AOAH: variants seen among roughly 807,000 people sequenced by gnomAD.
AOAH encodes acyloxyacyl hydrolase (neutrophil).
AOAH carries 64 observed loss-of-function variants against 92.2 expected under a neutral mutation model. The ratio of observed to expected loss-of-function variants is 0.69; its 90% CI spans 0.57 to 0.86. AOAH has a LOEUF of 0.86. Ranked by LOEUF, AOAH falls within the 40% of genes least tolerant of loss-of-function variation. The pLI is 0.00. For missense variants in AOAH, 656 were observed against 694.6 expected, an observed-to-expected ratio of 0.94 and a Z score of 0.62; for synonymous variants, 263 against 254.5, an observed-to-expected ratio of 1.03 and a Z score of -0.32.
intron 11 of AOAH, among the ~76,000 whole-genome samples, chr7:36,605,836 C>T (rs939233144): frequency 2.6e-5 from 4 of 152,146 alleles, no homozygotes; most frequent in Non-Finnish European, 2.9e-5. Context: ...GGAAAGGAAA[C>T]GGAAGAACAT....
chr7:36,573,027 G>C (rs1788241773), intron 13 of AOAH, among the ~76,000 whole-genome samples: 1 of 152,224 alleles, frequency 6.6e-6, no homozygotes, highest in Non-Finnish European at 1.5e-5. Context: ...TACAGATGCA[G>C]AAACAGGCAA....
intron 10 of AOAH, among the ~76,000 whole-genome samples, chr7:36,617,768 G>A (rs1554298448): frequency 6.6e-6 from 1 of 152,170 alleles, no homozygotes; most frequent in Non-Finnish European, 1.5e-5. Flanking sequence ...GTGCCATCTG[G>A]GCACTTAGAG....
At chr7:36,637,724 C>G (rs1793617642) in intron 5 of AOAH, 127 bp downstream of exon 5, 2 of 807,806 alleles carry the variant, frequency 2.5e-6, no homozygotes, top group African/African-American at 3.5e-5. Flanking sequence ...ACTTCCATCC[C>G]CACGTAGCTA....
intron 2 of AOAH, among the ~76,000 whole-genome samples, chr7:36,686,008 A>C (rs979830520): frequency 1.3e-5 from 2 of 152,190 alleles, no homozygotes; most frequent in African/African-American, 4.8e-5. Flanking sequence ...ACCCTAGATG[A>C]ATTAGTTCCC....
intron 15 of AOAH, among the ~76,000 whole-genome samples, chr7:36,544,138 G>A (rs374745113): frequency 6.6e-6 from 1 of 151,452 alleles, no homozygotes; most frequent in African/African-American, 2.4e-5. Context: ...GTAGAGACAG[G>A]GTTTTACCAT....
At chr7:36,513,637 G>A (rs181224628) in intron 20 of AOAH, among the ~76,000 whole-genome samples, 146 of 152,372 alleles carry the variant, frequency 9.6e-4, no homozygotes, top group Middle Eastern at 3.4e-3. Flanking sequence ...CCTTGCTAGT[G>A]ACTGGCTTCG....
intron 16 of AOAH, among the ~76,000 whole-genome samples, chr7:36,533,451 G>A (rs1449293774): frequency 6.6e-6 from 1 of 152,050 alleles, no homozygotes; most frequent in Non-Finnish European, 1.5e-5. Context: ...CTGTGTAGGT[G>A]AGTGAGTCCC....
intron 1 of AOAH, among the ~76,000 whole-genome samples, chr7:36,701,661 T>C (rs1243452238): frequency 2.0e-5 from 3 of 151,902 alleles, no homozygotes; most frequent in African/African-American, 7.2e-5. Context: ...TTTTCCATCC[T>C]TTTATTTTCA....
chr7:36,645,390 CA>C (rs1394024073), intron 4 of AOAH, among the ~76,000 whole-genome samples: 2 of 152,188 alleles, frequency 1.3e-5, no homozygotes, highest in Non-Finnish European at 2.9e-5. Flanking sequence ...TGTGAAAATA[CA>C]TTTCTGTGGT....
At chr7:36,549,664 C>CCTT (rs1354585516) in intron 13 of AOAH, among the ~76,000 whole-genome samples, 189 bp from the exon 14 acceptor site, 1 of 152,086 alleles carries the variant, frequency 6.6e-6, no homozygotes, top group Admixed American at 6.6e-5. Context: ...TGGAACTCTC[C>CCTT]TTAAGGGCTT....
At chr7:36,680,366 C>G (rs540080758) in intron 2 of AOAH, among the ~76,000 whole-genome samples, 1 of 152,194 alleles carries the variant, frequency 6.6e-6, no homozygotes, top group African/African-American at 2.4e-5. Flanking sequence ...GGTGCTTACG[C>G]GATTTCCCTG....
At chr7:36,713,709 C>A (rs974259492) in intron 1 of AOAH, among the ~76,000 whole-genome samples, 8 of 152,164 alleles carry the variant, frequency 5.3e-5, no homozygotes, top group African/African-American at 1.9e-4. Flanking sequence ...AACTGAACAA[C>A]CTGCTCCTGA....
At chr7:36,586,197 C>T (rs1039638875) in intron 12 of AOAH, among the ~76,000 whole-genome samples, 7 of 152,138 alleles carry the variant, frequency 4.6e-5, no homozygotes, top group Non-Finnish European at 8.8e-5. Flanking sequence ...AACAAGTCTT[C>T]CTGATCTATT....
At chr7:36,644,165 T>G (rs186909515) in intron 4 of AOAH, among the ~76,000 whole-genome samples, 1 of 152,298 alleles carries the variant, frequency 6.6e-6, no homozygotes, top group Admixed American at 6.5e-5. Flanking sequence ...GTAGTTGCTA[T>G]TCTCCCTCTT....
At chr7:36,623,136 T>C in intron 7 of AOAH, 54 bp downstream of exon 7, 1 of 1,418,224 alleles carries the variant, frequency 7.1e-7, no homozygotes, top group Non-Finnish European at 1.0e-6. Flanking sequence ...GAAAGAAATG[T>C]GTAGGAAGCA....
chr7:36,573,086 A>C (rs1407490682), intron 13 of AOAH, among the ~76,000 whole-genome samples: 1 of 152,242 alleles, frequency 6.6e-6, no homozygotes. Context: ...CAGGACCCAA[A>C]TTCAAAACCA....
At chr7:36,631,685 C>T (rs750067199) in intron 6 of AOAH, among the ~76,000 whole-genome samples, 10 of 152,148 alleles carry the variant, frequency 6.6e-5, no homozygotes, top group Non-Finnish European at 1.2e-4. Flanking sequence ...TGCCCAGTTG[C>T]CCACCCTGGT....
At chr7:36,668,523 G>C (rs146847176) in intron 3 of AOAH, among the ~76,000 whole-genome samples, 1 of 152,172 alleles carries the variant, frequency 6.6e-6, no homozygotes, top group Non-Finnish European at 1.5e-5. Context: ...GTCTCCCCCT[G>C]TCACCCAGGC....
At chr7:36,561,289 G>A (rs59851852) in intron 13 of AOAH, among the ~76,000 whole-genome samples, 2,864 of 152,232 alleles carry the variant, frequency 0.019, 92 homozygotes, top group African/African-American at 0.066. Context: ...TAATCCACCT[G>A]CCTTCGCCTC....
Sources: allele counts gnomAD v4.1 joint callset (sites outside exome capture counted in the v4.1 genomes callset), GRCh38; gene constraint gnomAD v4.1.1; transcripts MANE v1.5; gene names NCBI Gene and HGNC (gene_info 2026-07-23, HGNC 2026-07-21).